ZNF555: variants seen among roughly 807,000 people sequenced by gnomAD.
The protein encoded by ZNF555 is zinc finger protein 555.
In ZNF555, 10 loss-of-function variants were observed where a neutral mutation model predicts 14.0. The observed-to-expected ratio is 0.72, with a 90% CI of 0.44 to 1.21. The LOEUF is 1.21. ZNF555 is among the 50% of genes most tolerant of loss of function. ZNF555 has a pLI of 0.00. For missense variants in ZNF555, 747 were observed against 762.0 expected, an observed-to-expected ratio of 0.98 and a Z score of 0.23; for synonymous variants, 277 against 262.4, an observed-to-expected ratio of 1.06 and a Z score of -0.54.
intron 1 of ZNF555, among the ~76,000 whole-genome samples, chr19:2,849,531 C>T (rs1451866694): frequency 2.7e-5 from 4 of 148,630 alleles, no homozygotes. Context: ...ATCACCCAGG[C>T]TGGAGTGCAG....
rs2087664543 is a variant in ZNF555 at position 2,854,151 on chromosome 19, T to C, written c.*199T>C. 1 of 615,322 alleles carries C rather than the reference T, an allele frequency of 1.6e-6. No homozygotes were observed. Among genetic ancestry groups the C allele is most frequent in the Non-Finnish European group, 2.7e-6 (1 of 368,762 alleles). The allele number at this position is 615,322 out of a possible 1,614,324, so 38.1% of individuals were successfully genotyped here. ...TGGATGATTTGAAGTGTATTTTTAA[T>C]ATGCAAGTAGGTTCAAGTTTTATTT... On this transcript the variant is annotated 3_prime_UTR_variant, in exon 4 of 4. Coordinates refer to ENST00000334241, the MANE Select transcript of ZNF555 (RefSeq NM_152791.5).
At position 2,856,854 on chromosome 19, in the gene ZNF555, TA is replaced by T. The variant is rs2087687162; in HGVS notation, c.*2905del. The T allele has an allele frequency of 6.6e-6, 1 of 152,164 alleles. No homozygotes were observed. The highest frequency in any genetic ancestry group is 1.5e-5 in the Non-Finnish European group (1 of 68,042). The allele number at this position is 152,164 out of a possible 1,614,324, so 9.4% of individuals were successfully genotyped here. A position where few individuals can be genotyped will look rare whatever the true frequency, so the allele number is the denominator to read the frequency against. ...TTAATTGGAGCTGAAAACTAATCAG[TA>T]AAGCCACAGCAGCCAGTCATATGGG... On this transcript the variant is annotated 3_prime_UTR_variant, in exon 4 of 4. Coordinates refer to ENST00000334241, the MANE Select transcript of ZNF555 (RefSeq NM_152791.5).
chr19:2,849,487 T>C (rs2087610039), intron 1 of ZNF555, among the ~76,000 whole-genome samples: 1 of 149,732 alleles, frequency 6.7e-6, no homozygotes, highest in African/African-American at 2.5e-5. Flanking sequence ...ATAATACTTT[T>C]TTTTTTTTTT....
intron 1 of ZNF555, 82 bp from the exon 2 acceptor site, chr19:2,850,505 T>C: frequency 2.6e-6 from 4 of 1,550,642 alleles, no homozygotes; most frequent in Non-Finnish European, 3.5e-6. Context: ...AGAATCTTGT[T>C]TGAACTACAT....
chr19:2,854,162 G>A lies in ZNF555; in HGVS notation c.*210G>A. The A allele has an allele frequency of 3.5e-6, 2 of 572,344 alleles. No individual in the cohort carries two copies. The highest frequency in any genetic ancestry group is 3.2e-5 in the East Asian group (1 of 31,476). The allele number at this position is 572,344 out of a possible 1,614,324, so 35.5% of individuals were successfully genotyped here. A position where few individuals can be genotyped will look rare whatever the true frequency, so the allele number is the denominator to read the frequency against. On this transcript the variant is annotated 3_prime_UTR_variant, in exon 4 of 4. Transcript: ENST00000334241. ...AAGTGTATTTTTAATATGCAAGTAG[G>A]TTCAAGTTTTATTTAATTTCTTAAA...
Position 2,854,098 on chromosome 19 carries a change from A to G in ZNF555, c.*146A>G, listed in dbSNP as rs2087664128. The stretch of plus-strand genomic sequence containing the variant: ...AGTTTCTTACGATTCAGTAAATAAA[A>G]CTTTCATCTTAGAGTGTTTTGGACT... On this transcript the variant is annotated 3_prime_UTR_variant, in exon 4 of 4. Coordinates refer to ENST00000334241, the MANE Select transcript of ZNF555 (RefSeq NM_152791.5). The G allele has an allele frequency of 1.3e-5, 13 of 1,002,450 alleles. 1 individual carries two copies. In the South Asian group the frequency reaches 2.2e-4, roughly 17 times the overall value. 62.1% of individuals were successfully genotyped at this position (1,002,450 alleles called of 1,614,324 possible). A position where few individuals can be genotyped will look rare whatever the true frequency, so the allele number is the denominator to read the frequency against.
chr19:2,851,380 A>T, intron 2 of ZNF555, 88 bp from the exon 3 acceptor site: 1 of 1,059,916 alleles, frequency 9.4e-7, no homozygotes, highest in Non-Finnish European at 1.3e-6. Flanking sequence ...TTTTGTGTTT[A>T]ATGAAGTCCT....
Position 2,852,917 on chromosome 19 carries a change from T to C in ZNF555, c.852T>C (p.Tyr284=), listed in dbSNP as rs114523635. 5 of 1,614,210 alleles carry C rather than the reference T, an allele frequency of 3.1e-6. No individual in the cohort carries two copies. The East Asian group carries it at 8.9e-5, about 29-fold the overall frequency. The change falls in exon 4 of 4, where the codon TAT becomes TAC. Residue 284 remains tyrosine, a synonymous_variant. Coordinates refer to ENST00000334241, the MANE Select transcript of ZNF555 (RefSeq NM_152791.5). ...HTITHTGEKP[Y]KCKECAEAFS... ...TAACACACACTGGCGAGAAGCCATATAAATGTAAGGAATGTGCGGAAGCCT... is the reference window on the plus strand; with the variant it reads ...TAACACACACTGGCGAGAAGCCATACAAATGTAAGGAATGTGCGGAAGCCT...
rs2087649575 is a variant in ZNF555, at chr19:2,853,160, G to A, written c.1095G>A (p.Glu365=). The A allele has an allele frequency of 2.5e-6, 4 of 1,614,068 alleles. No homozygotes were observed. In the African/African-American group the frequency reaches 5.3e-5, roughly 22 times the overall value. ...FRRHERIHTG[E]KPYECKQCGK... is the part of the protein sequence containing the mutation. ...GACATGAAAGGATTCACACTGGAGA[G>A]AAACCCTACGAATGCAAACAGTGTG... is the stretch of plus-strand genomic sequence containing the variant. Residue 365 remains glutamate, a synonymous_variant, in exon 4 of 4, where the codon GAG becomes GAA. Transcript: ENST00000334241.
At chr19:2,851,977 C>T (rs1012208397) in intron 3 of ZNF555, among the ~76,000 whole-genome samples, 10 of 152,106 alleles carry the variant, frequency 6.6e-5, no homozygotes, top group African/African-American at 2.4e-4. Flanking sequence ...ATGGTGAAAC[C>T]CTGTCTCTAC....
In ZNF555 at chr19:2,854,516, T is replaced by A. The variant is rs1345502231; in HGVS notation, c.*564T>A. The A allele has an allele frequency of 1.3e-5, 2 of 153,644 alleles. No homozygotes were observed. The highest frequency in any genetic ancestry group is 2.9e-5 in the Non-Finnish European group (2 of 68,954). The allele number at this position is 153,644 out of a possible 1,614,324, so 9.5% of individuals were successfully genotyped here. The stretch of plus-strand genomic sequence containing the variant: ...AGTGTGGGTAGTGTTAGGAACTTCA[T>A]TTGCTGGAATGCATTTCCTTTATGG... On this transcript the variant is annotated 3_prime_UTR_variant, in exon 4 of 4. Transcript: ENST00000334241.
intron 1 of ZNF555, among the ~76,000 whole-genome samples, chr19:2,843,730 A>G (rs2087557849): frequency 6.6e-6 from 1 of 152,200 alleles, no homozygotes; most frequent in Non-Finnish European, 1.5e-5. Context: ...AGAATACAAG[A>G]TATTTTTCTT....
At chr19:2,850,829 C>T in intron 2 of ZNF555, 116 bp downstream of exon 2, 1 of 1,265,228 alleles carries the variant, frequency 7.9e-7, no homozygotes, top group Non-Finnish European at 1.1e-6. Flanking sequence ...GTAAATAAGA[C>T]AGACATAGTC....
rs2087721142 is a variant in ZNF555, at chr19:2,860,248, C to G, written c.*6296C>G. ...TCTGTGGGGACATATATTGGTGTAT[C>G]TGGGAGGTCCCATGTGTCTCAGTGG... On this transcript the variant is annotated 3_prime_UTR_variant, in exon 4 of 4. Transcript: ENST00000334241. 6.6e-6 allele frequency: 1 copy of G among 151,878 alleles called. No homozygotes were observed. Among genetic ancestry groups the G allele is most frequent in the Non-Finnish European group, 1.5e-5 (1 of 67,992 alleles). 9.4% of individuals were successfully genotyped at this position (151,878 alleles called of 1,614,324 possible).
chr19:2,851,999 A>G (rs1318320501), intron 3 of ZNF555, among the ~76,000 whole-genome samples: 3 of 152,114 alleles, frequency 2.0e-5, no homozygotes, highest in Non-Finnish European at 4.4e-5. Context: ...AAAAATACAA[A>G]CATTAGCAGG....
chr19:2,850,858 GAATGT>G (rs1278180803), intron 2 of ZNF555, 145 bp downstream of exon 2: 1 of 1,025,810 alleles, frequency 9.7e-7, no homozygotes, highest in East Asian at 2.6e-5. Context: ...CATAGAGCTA[GAATGT>G]AATGTTTTTC....
rs1568344197 is a variant in ZNF555, at chr19:2,852,358, A to G, written c.315-22A>G. ...TAACAAATCATTATTAATCAAACCA[A>G]TAACATGCTTCTCATTTTTAGTAGA... On this transcript the variant is annotated intron_variant, in intron 3 of 3. Coordinates refer to ENST00000334241, the MANE Select transcript of ZNF555 (RefSeq NM_152791.5). The G allele has an allele frequency of 2.5e-6, 4 of 1,613,302 alleles. 1 individual carries two copies. The South Asian group carries it at 3.3e-5, about 13-fold the overall frequency.
intron 2 of ZNF555, 134 bp from the exon 3 acceptor site, chr19:2,851,328 TTACTAA>T (rs1328217939): frequency 3.5e-6 from 2 of 577,676 alleles, no homozygotes; most frequent in East Asian, 3.3e-5. Flanking sequence ...TTTTCTATGC[TTACTAA>T]TACTGTGTTG....
In ZNF555 at chr19:2,858,023, T is replaced by A. The variant is rs1323027791; in HGVS notation, c.*4071T>A. On this transcript the variant is annotated 3_prime_UTR_variant, in exon 4 of 4. Transcript: ENST00000334241. ...GGGCAACATAGCGAGACCTCAACTC[T>A]ACCAAAAAATTAAAAAGTGAGCCAG... 1 of 152,162 alleles carries A rather than the reference T, an allele frequency of 6.6e-6. No individual in the cohort carries two copies. Among genetic ancestry groups the A allele is most frequent in the Admixed American group, 6.6e-5 (1 of 15,244 alleles). The allele number at this position is 152,162 out of a possible 1,614,324, so 9.4% of individuals were successfully genotyped here. A position where few individuals can be genotyped will look rare whatever the true frequency, so the allele number is the denominator to read the frequency against.
Sources: gnomAD v4.1 joint callset for allele counts (sites outside exome capture counted in the v4.1 genomes callset) on GRCh38, gnomAD v4.1.1 for gene constraint, MANE v1.5 for transcripts, NCBI Gene and HGNC (gene_info 2026-07-23, HGNC 2026-07-21) for gene names.